Variants in SGCZ observed in about 807,000 individuals in gnomAD.
SGCZ encodes zeta-sarcoglycan.
SGCZ carries 40 observed loss-of-function variants against 41.3 expected under a neutral mutation model. The observed-to-expected ratio is 0.97, with a 90% CI of 0.75 to 1.26. The LOEUF (loss-of-function observed/expected upper bound fraction) is 1.26, where lower values mean the gene tolerates loss of function less well. SGCZ is among the 50% of genes most tolerant of loss of function. The probability of loss-of-function intolerance (pLI) is 0.00; values close to 1 mark genes in which losing one functional copy is unlikely to be tolerated. For missense variants in SGCZ, 552 were observed against 369.8 expected (o/e 1.49, Z -4.04); for synonymous variants, 206 against 137.5 (o/e 1.50, Z -3.49).
At chr8:14,132,177 G>A (rs1803061744) in intron 5 of SGCZ, among the ~76,000 whole-genome samples, 1 of 151,728 alleles carries the variant, frequency 6.6e-6, no homozygotes, top group Non-Finnish European at 1.5e-5. Flanking sequence ...CAGTAATTTT[G>A]CTTGGCCTGT....
intron 1 of SGCZ, among the ~76,000 whole-genome samples, chr8:14,784,967 AAT>A (rs1386926759): frequency 7.2e-5 from 10 of 138,922 alleles, no homozygotes; most frequent in Non-Finnish European, 1.1e-4. Context: ...ATATATATAT[AAT>A]ATATATATTT....
rs1585199345 is a variant in SGCZ at position 14,171,743 on chromosome 8, T to C, written c.425-7041A>G. Among the ~76,000 whole-genome samples the C allele has an allele frequency of 2.0e-5, 3 of 150,936 alleles. No homozygotes were observed. In the South Asian group the frequency reaches 6.3e-4, roughly 32 times the overall value. On this transcript the variant is annotated intron_variant, in intron 4 of 7. Transcript: ENST00000382080. ...ATATATTTATTTATCCTACCACTTA[T>C]GCCTTTTAATAAGGATATCTAAGCT...
intron 2 of SGCZ, among the ~76,000 whole-genome samples, chr8:14,461,175 C>A (rs1455649537): frequency 6.6e-6 from 1 of 152,096 alleles, no homozygotes; most frequent in Non-Finnish European, 1.5e-5. Context: ...CCATCAAAAG[C>A]ATCTCCTACA....
intron 2 of SGCZ, among the ~76,000 whole-genome samples, chr8:14,537,583 C>G (rs1335853726): frequency 1.3e-5 from 2 of 150,004 alleles, no homozygotes; most frequent in Non-Finnish European, 3.0e-5. Flanking sequence ...TTCTTGAGCT[C>G]TTCTCCTGGA....
At chr8:14,828,482 A>G (rs76766507) in intron 1 of SGCZ, among the ~76,000 whole-genome samples, 2 of 152,256 alleles carry the variant, frequency 1.3e-5, no homozygotes, top group Non-Finnish European at 1.5e-5. Context: ...AGCTGCAGAC[A>G]AGTGCTGAGT....
chr8:14,369,055 A>ATCTCCT (rs1554507455), intron 2 of SGCZ, among the ~76,000 whole-genome samples: 1 of 105,024 alleles, frequency 9.5e-6, no homozygotes, highest in South Asian at 2.5e-4. Flanking sequence ...GTGTGTGTGT[A>ATCTCCT]TTACATTTAC....
intron 1 of SGCZ, among the ~76,000 whole-genome samples, chr8:15,220,278 T>G (rs1369589785): frequency 6.6e-6 from 1 of 152,204 alleles, no homozygotes; most frequent in African/African-American, 2.4e-5. Flanking sequence ...TTTATATACA[T>G]CAGTTCCTTA....
intron 1 of SGCZ, among the ~76,000 whole-genome samples, chr8:14,907,882 C>T (rs1332808387): frequency 6.6e-6 from 1 of 151,996 alleles, no homozygotes; most frequent in Admixed American, 6.6e-5. Flanking sequence ...ATGTATACAA[C>T]CAAGAACAAA....
intron 1 of SGCZ, among the ~76,000 whole-genome samples, chr8:14,989,282 C>T (rs1391318250): frequency 6.6e-6 from 1 of 152,032 alleles, no homozygotes; most frequent in Non-Finnish European, 1.5e-5. Context: ...TTGCAAGGGT[C>T]CCCATATCAC....
intron 5 of SGCZ, among the ~76,000 whole-genome samples, chr8:14,131,489 G>A (rs1246979982): frequency 6.6e-6 from 1 of 152,164 alleles, no homozygotes; most frequent in African/African-American, 2.4e-5. Context: ...GGTTCCTGAT[G>A]ACAAATTATT....
chr8:14,489,859 TCTC>T (rs1344056974), intron 2 of SGCZ, among the ~76,000 whole-genome samples: 1 of 134,106 alleles, frequency 7.5e-6, no homozygotes, highest in Non-Finnish European at 1.6e-5. Context: ...GCCGAAAAAT[TCTC>T]CTACCTTTTT....
intron 1 of SGCZ, among the ~76,000 whole-genome samples, chr8:15,207,224 C>G (rs1407900236): frequency 6.6e-6 from 1 of 152,146 alleles, no homozygotes; most frequent in Non-Finnish European, 1.5e-5. Flanking sequence ...GCAGGCTAAT[C>G]AGGCAGCAAT....
chr8:14,440,918 T>G (rs1800242252), intron 2 of SGCZ, among the ~76,000 whole-genome samples: 2 of 151,956 alleles, frequency 1.3e-5, no homozygotes, highest in Admixed American at 1.3e-4. Context: ...TAAATTTCAT[T>G]AGATCTCCTG....
rs115353646 is a variant in SGCZ, at chr8:14,385,637, A to C, written c.235-61433T>G. Among the ~76,000 whole-genome samples, 493 of 152,314 alleles carry C rather than the reference A, an allele frequency of 3.2e-3. 3 individuals are homozygous for C. Among genetic ancestry groups the C allele is most frequent in the African/African-American group, 0.011 (449 of 41,566 alleles). On this transcript the variant is annotated intron_variant, in intron 2 of 7. Transcript: ENST00000382080. ...ATAATAGTCCATGGGGTCTTGGTAC[A>C]GTGATTTTGTAACTTATACTATGAG...
chr8:14,249,277 A>G (rs1372930613), intron 3 of SGCZ, among the ~76,000 whole-genome samples: 3 of 152,106 alleles, frequency 2.0e-5, no homozygotes, highest in African/African-American at 7.2e-5. Context: ...TGGAACTTAC[A>G]CCATTGGCGC....
chr8:14,306,114 T>C (rs13261420), intron 3 of SGCZ, among the ~76,000 whole-genome samples: 3,481 of 152,332 alleles, frequency 0.023, 58 homozygotes, highest in Non-Finnish European at 0.037. Context: ...GCAAAGGTTT[T>C]TTGTTTTGTT....
intron 1 of SGCZ, among the ~76,000 whole-genome samples, chr8:14,667,450 T>C (rs189673511): frequency 1.3e-3 from 193 of 152,282 alleles, no homozygotes; most frequent in African/African-American, 4.4e-3. Flanking sequence ...ACTCATGTTG[T>C]CATAAAAGCT....
chr8:14,756,952 T>C (rs1001537325), intron 1 of SGCZ, among the ~76,000 whole-genome samples: 5 of 152,224 alleles, frequency 3.3e-5, no homozygotes, highest in Non-Finnish European at 7.3e-5. Flanking sequence ...GGCAGAATAC[T>C]TGCTTTGTTT....
chr8:14,145,069 G>A lies in SGCZ; in HGVS notation c.547+19511C>T, dbSNP rs191321076. 6.0e-4 allele frequency among the ~76,000 whole-genome samples: 92 copies of A among 152,224 alleles called. 1 individual carries two copies. Among genetic ancestry groups the A allele is most frequent in the African/African-American group, 2.1e-3 (87 of 41,548 alleles). On this transcript the variant is annotated intron_variant, in intron 5 of 7. Transcript: ENST00000382080. ...CCAGGAGACCTCACTGACCTGAAAA[G>A]AAAAAGACATAGGCCTGGCTGGCTT... is the stretch of plus-strand genomic sequence containing the variant.
Sources: allele counts gnomAD v4.1 joint callset (sites outside exome capture counted in the v4.1 genomes callset), GRCh38; gene constraint gnomAD v4.1.1; transcripts MANE v1.5; gene names NCBI Gene and HGNC (gene_info 2026-07-23, HGNC 2026-07-21).